The following TMC4 variants were observed in gnomAD, a reference collection of about 807,000 sequenced individuals.
TMC4 encodes the protein transmembrane channel like 4.
A neutral mutation model predicts 82.0 loss-of-function variants in TMC4; 70 were observed. The ratio of observed to expected loss-of-function variants is 0.85; its 90% CI spans 0.70 to 1.04. The LOEUF (loss-of-function observed/expected upper bound fraction) is 1.04. Ranked by LOEUF, TMC4 falls within the 50% of genes least tolerant of loss-of-function variation. The pLI is 0.00. For synonymous variants in TMC4, 446 were observed against 406.0 expected (o/e 1.10, Z -1.18); for missense variants, 879 against 899.0 (o/e 0.98, Z 0.28).
chr19:54,163,223 C>T, intron 8 of TMC4, 64 bp from the exon 9 acceptor site: 1 of 1,593,198 alleles, frequency 6.3e-7, no homozygotes, highest in Admixed American at 1.7e-5. Context: ...GTTCCCTTCT[C>T]AGTGGAACGC....
chr19:54,164,304 G>C, intron 7 of TMC4, 130 bp downstream of exon 7: 1 of 1,208,874 alleles, frequency 8.3e-7, no homozygotes, highest in Non-Finnish European at 1.2e-6. Context: ...CTAAGTCCAG[G>C]GTCCGAACAT....
rs141651503 is a variant in TMC4, at chr19:54,164,126, C to T, written c.1114-239G>A. On this transcript the variant is annotated intron_variant, in intron 7 of 14. Coordinates refer to ENST00000619895, the MANE Select transcript of TMC4 (RefSeq NM_144686.4). ...AGTAGCTGGGATTACAGGCGCCCACCACCACGCCCGTCTAATTTTTGTATT... is the reference window on the plus strand; with the variant it reads ...AGTAGCTGGGATTACAGGCGCCCACTACCACGCCCGTCTAATTTTTGTATT... Among the ~76,000 whole-genome samples, 7 of 151,992 alleles carry T rather than the reference C, an allele frequency of 4.6e-5. No individual in the cohort carries two copies. The South Asian group carries it at 8.3e-4, about 18-fold the overall frequency.
In TMC4 at chr19:54,173,140, A is replaced by C; in HGVS notation, c.-23T>G. 1.2e-6 allele frequency: 2 copies of C among 1,611,050 alleles called. No individual in the cohort carries two copies. The highest frequency in any genetic ancestry group is 1.7e-6 in the Non-Finnish European group (2 of 1,177,734). The stretch of plus-strand genomic sequence containing the variant: ...CATGGCCCCAGGCTGGGCTGTCTCT[A>C]GTGGCCACCAGGCAGACACTGCCCC... On this transcript the variant is annotated 5_prime_UTR_variant, in exon 1 of 15. Coordinates refer to ENST00000619895, the MANE Select transcript of TMC4 (RefSeq NM_144686.4).
chr19:54,160,649 G>A (rs935565151), intron 13 of TMC4, 104 bp from the exon 14 acceptor site: 25 of 1,557,874 alleles, frequency 1.6e-5, no homozygotes, highest in Non-Finnish European at 2.1e-5. Flanking sequence ...GCCCCTCCTC[G>A]TCTGGGCTCA....
intron 13 of TMC4, 141 bp from the exon 14 acceptor site, chr19:54,160,686 C>T: frequency 6.8e-7 from 1 of 1,472,260 alleles, no homozygotes; most frequent in Non-Finnish European, 9.1e-7. Context: ...AGCCCCTCCG[C>T]CTTCAGATCC....
chr19:54,162,182 C>T lies in TMC4; in HGVS notation c.1606G>A (p.Val536Ile), dbSNP rs373393088. The T allele has an allele frequency of 1.2e-6, 2 of 1,613,778 alleles. No individual in the cohort carries two copies. Among genetic ancestry groups the T allele is most frequent in the Non-Finnish European group, 1.7e-6 (2 of 1,179,862 alleles). Residue 536 changes from valine (V) to isoleucine (I), a missense_variant, in exon 11 of 15, where the codon GTC (valine) becomes ATC (isoleucine). Transcript: ENST00000619895. ...GGGCAGAAAAAACTCCCCACCCAGA[C>T]CACCGTCTGCGCGTAGATGAGCCCC... ...VLGLIYAQTV[V>I]WVGSFFCPLL...
At position 54,168,373 on chromosome 19, in the gene TMC4, G is replaced by A. The variant is rs557879048; in HGVS notation, c.675+75C>T. The A allele has an allele frequency of 1.2e-4, 180 of 1,520,476 alleles. No individual in the cohort carries two copies. The South Asian group carries it at 2.1e-3, about 18-fold the overall frequency. The allele number at this position is 1,520,476 out of a possible 1,614,324, so 94.2% of individuals were successfully genotyped here. On this transcript the variant is annotated intron_variant, in intron 4 of 14. Coordinates refer to ENST00000619895, the MANE Select transcript of TMC4 (RefSeq NM_144686.4). ...CTGCACAGTCAGGGTCTGGGGTCAG[G>A]GTTTGAGGTTCGTGTCATTGAAGGC...
At chr19:54,171,256 C>T (rs543140795) in intron 2 of TMC4, among the ~76,000 whole-genome samples, 1 of 151,994 alleles carries the variant, frequency 6.6e-6, no homozygotes, top group Non-Finnish European at 1.5e-5. Flanking sequence ...TTACAGGCAC[C>T]CGCCACCACA....
At chr19:54,161,665 A>G (rs1180132487) in intron 11 of TMC4, among the ~76,000 whole-genome samples, 6 of 152,076 alleles carry the variant, frequency 3.9e-5, no homozygotes, top group African/African-American at 1.4e-4. Flanking sequence ...CAGCCTCCTG[A>G]GTAGCTGGGA....
rs1600548206 is a variant in TMC4, at chr19:54,161,158, T to G, written c.1789A>C (p.Ser597Arg). 6.3e-7 allele frequency: 1 copy of G among 1,589,236 alleles called. No homozygotes were observed. Among genetic ancestry groups the G allele is most frequent in the Non-Finnish European group, 8.5e-7 (1 of 1,169,670 alleles). The change falls in exon 12 of 15, where the codon AGC (serine) becomes CGC (arginine). Residue 597 changes from serine (S) to arginine (R), a missense_variant. Physicochemically the swap from Ser to Arg is moderately radical, Grantham distance 110. Transcript: ENST00000619895. ...LVLLLGLAIS[S>R]VPLLYSIFLI... ...AAGATGCTGTAAAGCAGGGGAACGCTGGAGATGGCCAGACCCAGGAGAAGG... is the reference window on the plus strand; with the variant it reads ...AAGATGCTGTAAAGCAGGGGAACGCGGGAGATGGCCAGACCCAGGAGAAGG...
At chr19:54,160,783 G>T in intron 13 of TMC4, 95 bp downstream of exon 13, 1 of 1,502,618 alleles carries the variant, frequency 6.7e-7, no homozygotes, top group South Asian at 1.3e-5. Context: ...TACGTTGCCT[G>T]CTCCCACGCC....
At chr19:54,163,679 G>T (rs759009791) in intron 8 of TMC4, 45 bp downstream of exon 8, 11 of 1,606,160 alleles carry the variant, frequency 6.8e-6, no homozygotes, top group African/African-American at 1.3e-5. Context: ...CCCTCTGACC[G>T]CCCCCACCCT....
chr19:54,162,420 C>G, intron 10 of TMC4, 135 bp from the exon 11 acceptor site: 1 of 721,684 alleles, frequency 1.4e-6, no homozygotes, highest in South Asian at 1.9e-5. Context: ...TTTCAGGACT[C>G]CACGTGGAGG....
chr19:54,165,698 G>GGTCTGGTGGGA, intron 5 of TMC4, 132 bp from the exon 6 acceptor site: 1 of 1,014,516 alleles, frequency 9.9e-7, no homozygotes, highest in Non-Finnish European at 1.4e-6. Flanking sequence ...GTTCCCACCA[G>GGTCTGGTGGGA]ACCAGATGGG....
chr19:54,166,445 CAA>C (rs142968501), intron 5 of TMC4, among the ~76,000 whole-genome samples: 227 of 152,056 alleles, frequency 1.5e-3, no homozygotes, highest in Middle Eastern at 6.8e-3. Context: ...CAGAACTGGA[CAA>C]AGAGACCATG....
At chr19:54,162,836 A>C in intron 9 of TMC4, 66 bp from the exon 10 acceptor site, 1 of 1,526,682 alleles carries the variant, frequency 6.6e-7, no homozygotes, top group South Asian at 1.1e-5. Context: ...CACGCGTCCG[A>C]GTCTCCACAT....
chr19:54,160,645 C>T (rs1195159974), intron 13 of TMC4, 100 bp from the exon 14 acceptor site: 1 of 1,566,432 alleles, frequency 6.4e-7, no homozygotes, highest in Non-Finnish European at 8.7e-7. Flanking sequence ...CTAAGCCCCT[C>T]CTCGTCTGGG....
At position 54,161,121 on chromosome 19, in the gene TMC4, C is replaced by T; in HGVS notation, c.1817+9G>A. The T allele has an allele frequency of 6.3e-7, 1 of 1,584,686 alleles. No individual in the cohort carries two copies. The highest frequency in any genetic ancestry group is 8.6e-7 in the Non-Finnish European group (1 of 1,165,812). ...GGGAGGGAGAGAGGCGGGAGCCTCT[C>T]GCACTTACAGGAAGATGCTGTAAAG... On this transcript the variant is annotated intron_variant, in intron 12 of 14. Coordinates refer to ENST00000619895, the MANE Select transcript of TMC4 (RefSeq NM_144686.4).
intron 5 of TMC4, among the ~76,000 whole-genome samples, chr19:54,166,778 A>AC (rs2075715877): frequency 6.6e-6 from 1 of 151,872 alleles, no homozygotes; most frequent in Non-Finnish European, 1.5e-5. Context: ...ACATGGTGAA[A>AC]CCCCATTTCT....
Sources: gnomAD v4.1 joint callset for allele counts (sites outside exome capture counted in the v4.1 genomes callset) on GRCh38, gnomAD v4.1.1 for gene constraint, MANE v1.5 for transcripts, NCBI Gene and HGNC (gene_info 2026-07-23, HGNC 2026-07-21) for gene names.